The following UBE2E3 variants were observed in gnomAD, a reference collection of about 807,000 sequenced individuals.
UBE2E3 encodes ubiquitin conjugating enzyme E2 E3.
UBE2E3 carries 5 observed loss-of-function variants against 23.6 expected under a neutral mutation model. The observed-to-expected ratio is 0.21, with a 90% confidence interval of 0.11 to 0.44. The LOEUF (loss-of-function observed/expected upper bound fraction) is 0.44. UBE2E3 is among the 20% of genes least tolerant of loss of function. The probability of loss-of-function intolerance (pLI) is 0.99; values close to 1 mark genes in which losing one functional copy is unlikely to be tolerated. For missense variants in UBE2E3, 81 were observed against 249.8 expected (o/e 0.32, Z 4.55); for synonymous variants, 78 against 87.5 (o/e 0.89, Z 0.60).
At chr2:181,056,647 C>T (rs1346141810) in intron 3 of UBE2E3, among the ~76,000 whole-genome samples, 1 of 151,718 alleles carries the variant, frequency 6.6e-6, no homozygotes, top group Non-Finnish European at 1.5e-5. Flanking sequence ...CCAACATTGC[C>T]GCGTTTGGGG....
In UBE2E3 at chr2:181,052,729, A is replaced by G. The variant is rs546239246; in HGVS notation, c.246-4964A>G. Among the ~76,000 whole-genome samples the G allele has an allele frequency of 5.9e-5, 9 of 151,830 alleles. No individual in the cohort carries two copies. The East Asian group carries it at 1.8e-3, about 30-fold the overall frequency. On this transcript the variant is annotated intron_variant, in intron 3 of 5. Transcript: ENST00000410062. ...CCAGTTTGTAGTTTCTAATCATATC[A>G]AGACCTAGTTTTTAATCACTTTTGC...
chr2:180,997,313 TCCTCTTTC>T (rs1684854838), intron 3 of UBE2E3, among the ~76,000 whole-genome samples: 1 of 152,078 alleles, frequency 6.6e-6, no homozygotes, highest in Admixed American at 6.5e-5. Context: ...ATCTGGCTTT[TCCTCTTTC>T]ATTTTATTTT....
chr2:181,002,500 A>G (rs935081002), intron 3 of UBE2E3, among the ~76,000 whole-genome samples: 9 of 152,198 alleles, frequency 5.9e-5, no homozygotes, highest in African/African-American at 2.2e-4. Flanking sequence ...TTTGATTGCC[A>G]TGATTTACAA....
intron 3 of UBE2E3, among the ~76,000 whole-genome samples, chr2:181,047,991 C>G (rs1686721338): frequency 6.6e-6 from 1 of 152,134 alleles, no homozygotes; most frequent in Non-Finnish European, 1.5e-5. Context: ...CCTTCTGCCA[C>G]ATTGTGCTTC....
intron 3 of UBE2E3, chr2:180,987,204 A>T (rs889272110): frequency 1.0e-6 from 1 of 981,746 alleles, no homozygotes; most frequent in Admixed American, 2.7e-5. Flanking sequence ...ATAAAGTATA[A>T]ATAATTTATA....
At chr2:180,996,225 C>G (rs1245149523) in intron 3 of UBE2E3, among the ~76,000 whole-genome samples, 1 of 152,156 alleles carries the variant, frequency 6.6e-6, no homozygotes, top group Non-Finnish European at 1.5e-5. Context: ...AACCATTGCT[C>G]TAGGTATTAT....
chr2:180,996,132 T>G (rs1684815107), intron 3 of UBE2E3, among the ~76,000 whole-genome samples: 1 of 152,210 alleles, frequency 6.6e-6, no homozygotes, highest in Non-Finnish European at 1.5e-5. Context: ...CAGCTTAAAT[T>G]GCTTTGCTCT....
intron 4 of UBE2E3, 40 bp downstream of exon 4, chr2:181,057,865 C>T (rs755326020): frequency 1.9e-6 from 3 of 1,593,268 alleles, no homozygotes; most frequent in Non-Finnish European, 1.7e-6. Context: ...TTTAATCCTT[C>T]TCCTCTAAAA....
chr2:181,028,436 G>A (rs1488781916), intron 3 of UBE2E3, among the ~76,000 whole-genome samples: 4 of 152,008 alleles, frequency 2.6e-5, no homozygotes, highest in East Asian at 3.8e-4. Context: ...GAGTGGAATA[G>A]GTGAGTCTCA....
intron 3 of UBE2E3, among the ~76,000 whole-genome samples, chr2:181,025,742 C>A (rs1685863775): frequency 6.6e-6 from 1 of 151,894 alleles, no homozygotes; most frequent in African/African-American, 2.4e-5. Context: ...AGAATCATTT[C>A]AGTGACAATT....
At chr2:180,998,452 G>A (rs1684895719) in intron 3 of UBE2E3, among the ~76,000 whole-genome samples, 1 of 152,076 alleles carries the variant, frequency 6.6e-6, no homozygotes, top group Non-Finnish European at 1.5e-5. Flanking sequence ...GTTGGGATAA[G>A]GAGAGTGGGG....
intron 3 of UBE2E3, among the ~76,000 whole-genome samples, chr2:181,046,152 A>T (rs1686667685): frequency 6.6e-6 from 1 of 152,166 alleles, no homozygotes; most frequent in Non-Finnish European, 1.5e-5. Flanking sequence ...AGTACCCCAC[A>T]TAAGTGCCAG....
chr2:181,003,843 T>G (rs181298848), intron 3 of UBE2E3, among the ~76,000 whole-genome samples: 1 of 152,358 alleles, frequency 6.6e-6, no homozygotes, highest in Non-Finnish European at 1.5e-5. Context: ...GTAGGTACTA[T>G]TCTAGGTAAT....
intron 3 of UBE2E3, among the ~76,000 whole-genome samples, chr2:181,025,911 A>G (rs1398723805): frequency 2.6e-5 from 4 of 151,974 alleles, no homozygotes; most frequent in Non-Finnish European, 5.9e-5. Flanking sequence ...AGAGCAGGCA[A>G]TGGATTTATG....
chr2:181,008,867 C>G (rs549993477), intron 3 of UBE2E3, among the ~76,000 whole-genome samples: 12 of 148,610 alleles, frequency 8.1e-5, no homozygotes, highest in African/African-American at 7.4e-5. Context: ...CCGTGATTCT[C>G]TGTTGCAGTC....
chr2:181,028,862 A>C (rs1685980987), intron 3 of UBE2E3, among the ~76,000 whole-genome samples: 2 of 152,134 alleles, frequency 1.3e-5, no homozygotes, highest in Non-Finnish European at 2.9e-5. Flanking sequence ...CTGAATTTAA[A>C]TGGTAGTTAA....
intron 3 of UBE2E3, among the ~76,000 whole-genome samples, chr2:181,014,265 A>C (rs1243325028): frequency 2.0e-5 from 3 of 152,080 alleles, no homozygotes; most frequent in Non-Finnish European, 4.4e-5. Context: ...GAACAAAGTG[A>C]GTTTGAGTTA....
chr2:181,042,758 C>T (rs577303747), intron 3 of UBE2E3, among the ~76,000 whole-genome samples: 1 of 152,158 alleles, frequency 6.6e-6, no homozygotes, highest in Non-Finnish European at 1.5e-5. Flanking sequence ...GCCAAATGTG[C>T]TAAGTATCTG....
At chr2:181,000,083 C>G (rs1169793861) in intron 3 of UBE2E3, among the ~76,000 whole-genome samples, 1 of 152,096 alleles carries the variant, frequency 6.6e-6, no homozygotes, top group Non-Finnish European at 1.5e-5. Context: ...CTGCCTTTTG[C>G]AATTTTTGTT....
Sources: gnomAD v4.1 joint callset for allele counts (sites outside exome capture counted in the v4.1 genomes callset) on GRCh38, gnomAD v4.1.1 for gene constraint, MANE v1.5 for transcripts, NCBI Gene and HGNC (gene_info 2026-07-23, HGNC 2026-07-21) for gene names.